The following MYO18A variants were observed in gnomAD, a reference collection of about 807,000 sequenced individuals.
The protein encoded by MYO18A is myosin XVIIIA.
MYO18A carries 78 observed loss-of-function variants against 235.8 expected under a neutral mutation model. The observed-to-expected ratio is 0.33, with a 90% CI of 0.28 to 0.40. The LOEUF is 0.40. Ranked by LOEUF, MYO18A falls within the 10% of genes least tolerant of loss-of-function variation. The pLI is 1.00. For synonymous variants in MYO18A, 977 were observed against 1,077.8 expected (o/e 0.91, Z 1.83); for missense variants, 2,215 against 2,699.3 (o/e 0.82, Z 3.98).
chr17:29,141,573 T>G (rs540480020), intron 2 of MYO18A, among the ~76,000 whole-genome samples: 113 of 152,318 alleles, frequency 7.4e-4, no homozygotes, highest in Middle Eastern at 3.4e-3. Flanking sequence ...TTGTCTGACT[T>G]TCTCCATGAA....
At chr17:29,104,593 TG>T (rs908330873) in intron 20 of MYO18A, among the ~76,000 whole-genome samples, 3 of 152,046 alleles carry the variant, frequency 2.0e-5, no homozygotes, top group African/African-American at 7.2e-5. Context: ...GAGAGAGGCC[TG>T]GGCTAGAGGT....
At position 29,120,487 on chromosome 17, in the gene MYO18A, C is replaced by T; in HGVS notation, c.1728+129G>A. ...CTCTGGATAGTGCAGGCCAACCCTG[C>T]CCATGCCTGGGTCAATTTTGTTAGG... is the stretch of plus-strand genomic sequence containing the variant. On this transcript the variant is annotated intron_variant, in intron 7 of 41. Transcript: ENST00000527372. The surrounding 1 kb of genome is among the most constrained non-coding windows in gnomAD (Gnocchi z 4.2). 2 of 1,271,136 alleles carry T rather than the reference C, an allele frequency of 1.6e-6. No individual in the cohort carries two copies. The highest frequency in any genetic ancestry group is 3.0e-5 in the South Asian group (2 of 66,328). The allele number at this position is 1,271,136 out of a possible 1,614,324, so 78.7% of individuals were successfully genotyped here. A position where few individuals can be genotyped will look rare whatever the true frequency, so the allele number is the denominator to read the frequency against.
Position 29,117,893 on chromosome 17 carries a change from C to T in MYO18A, c.2038+152G>A. 2.1e-6 allele frequency: 2 copies of T among 946,274 alleles called. No homozygotes were observed. Among genetic ancestry groups the T allele is most frequent in the East Asian group, 2.7e-5 (1 of 37,562 alleles). The allele number at this position is 946,274 out of a possible 1,614,324, so 58.6% of individuals were successfully genotyped here. On this transcript the variant is annotated intron_variant, in intron 10 of 41. Transcript: ENST00000527372. The surrounding 1 kb of genome is among the most constrained non-coding windows in gnomAD (Gnocchi z 4.6). Reference sequence around the variant, plus strand: ...AAAGATGCTTCCCGGGCCTTCTGCTCTGAAGTGGGGGGCTGAGAAGAGGCA... The same window carrying T: ...AAAGATGCTTCCCGGGCCTTCTGCTTTGAAGTGGGGGGCTGAGAAGAGGCA...
In MYO18A at chr17:29,074,346, A is replaced by G; in HGVS notation, c.*424T>C. ...AGAGAGAGCCCCCACCCCACACGAGAGGGAAGGCACTGCTTCTCCTCCCCC... is the reference window on the plus strand; with the variant it reads ...AGAGAGAGCCCCCACCCCACACGAGGGGGAAGGCACTGCTTCTCCTCCCCC... On this transcript the variant is annotated 3_prime_UTR_variant, in exon 42 of 42. Transcript: ENST00000527372. The surrounding 1 kb of genome is among the most constrained non-coding windows in gnomAD (Gnocchi z 4.4). 1.3e-6 allele frequency: 1 copy of G among 760,830 alleles called. No individual in the cohort carries two copies. The highest frequency in any genetic ancestry group is 2.1e-6 in the Non-Finnish European group (1 of 473,686). 47.1% of individuals were successfully genotyped at this position (760,830 alleles called of 1,614,324 possible). A position where few individuals can be genotyped will look rare whatever the true frequency, so the allele number is the denominator to read the frequency against.
At chr17:29,127,743 C>T (rs950613611) in intron 2 of MYO18A, 29 of 541,590 alleles carry the variant, frequency 5.4e-5, no homozygotes, top group African/African-American at 1.4e-4. Flanking sequence ...CCCAGCCTCT[C>T]GGTCATGCGG....
chr17:29,090,434 G>A (rs894985647), intron 36 of MYO18A, 98 bp downstream of exon 36: 3 of 1,045,024 alleles, frequency 2.9e-6, no homozygotes, highest in African/African-American at 1.6e-5. Flanking sequence ...ATTACTGATG[G>A]CAGAGAAAAG....
intron 2 of MYO18A, among the ~76,000 whole-genome samples, chr17:29,130,254 G>A (rs1298020848): frequency 6.9e-6 from 1 of 143,926 alleles, no homozygotes; most frequent in Non-Finnish European, 1.5e-5. Flanking sequence ...GAGCTGAGAT[G>A]GCACCACTGC....
At chr17:29,173,147 T>G (rs957796054) in intron 1 of MYO18A, among the ~76,000 whole-genome samples, 1 of 151,032 alleles carries the variant, frequency 6.6e-6, no homozygotes, top group South Asian at 2.1e-4. Context: ...CAGGCTGGAG[T>G]GCAATGGCCC....
chr17:29,080,663 G>A (rs955375554), intron 41 of MYO18A: 15 of 985,558 alleles, frequency 1.5e-5, no homozygotes, highest in African/African-American at 1.2e-4. Flanking sequence ...GAGGAGGCCC[G>A]GCTGACCGGT....
At chr17:29,131,303 G>GCA in intron 2 of MYO18A, 3 of 790,258 alleles carry the variant, frequency 3.8e-6, no homozygotes, top group Non-Finnish European at 3.1e-6. Context: ...ACACACACAC[G>GCA]CACACACACA....
At position 29,140,204 on chromosome 17, in the gene MYO18A, A is replaced by C. The variant is rs1349109551; in HGVS notation, c.1000-17951T>G. 8.1e-6 allele frequency: 4 copies of C among 493,268 alleles called. No homozygotes were observed. The highest frequency in any genetic ancestry group is 1.1e-4 in the East Asian group (1 of 8,900). The allele number at this position is 493,268 out of a possible 1,614,324, so 30.6% of individuals were successfully genotyped here. ...CCAAGAAGCTCGGAGAGGAGCCCCA[A>C]GGCTGCCCCACCCCTCTCCCCACCT... On this transcript the variant is annotated intron_variant, in intron 2 of 41. Transcript: ENST00000527372. This position sits in a 1 kb window ranked among gnomAD's most constrained non-coding sequence, Gnocchi z 4.2.
At chr17:29,080,848 G>A (rs1187227662) in intron 41 of MYO18A, 1 of 985,390 alleles carries the variant, frequency 1.0e-6, no homozygotes, top group Non-Finnish European at 1.2e-6. Flanking sequence ...GGGCCTCTCA[G>A]GGGAGGCCGC....
chr17:29,104,478 G>C (rs961301611), intron 20 of MYO18A, among the ~76,000 whole-genome samples: 4 of 152,152 alleles, frequency 2.6e-5, no homozygotes, highest in Admixed American at 2.6e-4. Flanking sequence ...GGCGGCTTGT[G>C]GGGAGAATGA....
chr17:29,144,085 G>A (rs188309801), intron 2 of MYO18A, among the ~76,000 whole-genome samples: 142 of 152,296 alleles, frequency 9.3e-4, no homozygotes, highest in Admixed American at 1.5e-3. Context: ...AGCTTCACAT[G>A]CAACTACAGC....
Position 29,098,175 on chromosome 17 carries a change from G to A in MYO18A, c.3920C>T (p.Ser1307Phe). The A allele has an allele frequency of 1.2e-6, 2 of 1,613,966 alleles. No homozygotes were observed. The highest frequency in any genetic ancestry group is 1.7e-6 in the Non-Finnish European group (2 of 1,179,884). The change falls in exon 25 of 42, where the codon TCC (serine) becomes TTC (phenylalanine). Residue 1307 changes from serine (S) to phenylalanine (F), a missense_variant. Transcript: ENST00000527372. ...ELTDERNTGESASQLLDAETA... is the reference protein window; with the variant it reads ...ELTDERNTGEFASQLLDAETA... The stretch of plus-strand genomic sequence containing the variant: ...CTCCGCGTCCAGCAGCTGGGAGGCG[G>A]ACTCTCCTGTGTTACGCTCATCTGT...
At chr17:29,159,469 C>T (rs1245627334) in intron 2 of MYO18A, among the ~76,000 whole-genome samples, 1 of 151,882 alleles carries the variant, frequency 6.6e-6, no homozygotes, top group Non-Finnish European at 1.5e-5. Context: ...AAAAACAAAA[C>T]AAAACAAACA....
intron 2 of MYO18A, among the ~76,000 whole-genome samples, chr17:29,152,942 T>C (rs1248414358): frequency 6.6e-6 from 1 of 152,108 alleles, no homozygotes; most frequent in Non-Finnish European, 1.5e-5. Flanking sequence ...CTTGAACTCC[T>C]AGCCTCAAGA....
chr17:29,102,226 G>T (rs1042055277), intron 21 of MYO18A, among the ~76,000 whole-genome samples: 7 of 152,234 alleles, frequency 4.6e-5, no homozygotes, highest in African/African-American at 1.4e-4. Flanking sequence ...AAGAGGATCA[G>T]CTTGTAGAGG....
intron 12 of MYO18A, 56 bp from the exon 13 acceptor site, chr17:29,115,497 T>C: frequency 6.4e-7 from 1 of 1,574,562 alleles, no homozygotes; most frequent in Non-Finnish European, 8.6e-7. Flanking sequence ...CCCATCTGGG[T>C]AAGCCCCTGA....
Sources: gnomAD v4.1 joint callset for allele counts (sites outside exome capture counted in the v4.1 genomes callset) on GRCh38, gnomAD v4.1.1 for gene constraint, Gnocchi (gnomAD v3.1) non-coding constraint, MANE v1.5 for transcripts, NCBI Gene and HGNC (gene_info 2026-07-23, HGNC 2026-07-21) for gene names.